Variants in PRELID2 observed in about 807,000 individuals in gnomAD.
PRELID2 encodes PRELI domain containing 2.
Under a neutral mutation model 28.4 loss-of-function variants are expected in PRELID2, and 25 were observed. The ratio of observed to expected loss-of-function variants is 0.88; its 90% CI spans 0.64 to 1.23. The LOEUF (loss-of-function observed/expected upper bound fraction) is 1.23. Ranked by LOEUF, PRELID2 falls within the 50% of genes most tolerant of loss-of-function variation. The probability of loss-of-function intolerance (pLI) is 0.00; values close to 1 mark genes in which losing one functional copy is unlikely to be tolerated. For synonymous variants in PRELID2, 76 were observed against 71.6 expected (o/e 1.06, Z -0.31); for missense variants, 201 against 214.4 (o/e 0.94, Z 0.39).
intron 1 of PRELID2, among the ~76,000 whole-genome samples, chr5:145,711,109 G>A (rs1235735334): frequency 1.3e-5 from 2 of 152,114 alleles, no homozygotes; most frequent in African/African-American, 4.8e-5. Context: ...ATCAATACCT[G>A]CCATCTGCCC....
At chr5:145,573,893 A>G (rs1184843424) in intron 1 of PRELID2, among the ~76,000 whole-genome samples, 3 of 152,198 alleles carry the variant, frequency 2.0e-5, no homozygotes, top group African/African-American at 7.2e-5. Flanking sequence ...GAGGGTAGAT[A>G]TGATTACCAT....
chr5:145,340,883 C>T, the PRELID2 span, among the ~76,000 whole-genome samples: 2 of 150,542 alleles, frequency 1.3e-5, no homozygotes, highest in African/African-American at 2.4e-5. Context: ...ACACTGCCAC[C>T]ACTAGGGCCC....
chr5:145,825,252 A>C (rs1363702673), intron 1 of PRELID2, among the ~76,000 whole-genome samples: 2 of 147,122 alleles, frequency 1.4e-5, no homozygotes, highest in African/African-American at 2.6e-5. Flanking sequence ...AAAAAAAAAA[A>C]AAAAAAAACT....
At chr5:145,229,015 T>C in the PRELID2 span, 5 of 1,602,148 alleles carry the variant, frequency 3.1e-6, no homozygotes, top group East Asian at 6.7e-5. Context: ...AGCAGGGAGT[T>C]TGTGGAGGAG....
chr5:145,374,483 T>A, the PRELID2 span, among the ~76,000 whole-genome samples: 1 of 152,070 alleles, frequency 6.6e-6, no homozygotes, highest in Non-Finnish European at 1.5e-5. Flanking sequence ...TCATGGAGTA[T>A]CTTAGTGGTT....
the PRELID2 span, among the ~76,000 whole-genome samples, chr5:145,309,416 GGAGA>G: frequency 6.6e-6 from 1 of 152,220 alleles, no homozygotes; most frequent in African/African-American, 2.4e-5. Context: ...TGAAAGATAG[GGAGA>G]GAAAGAAAAC....
At chr5:145,386,207 C>T in the PRELID2 span, among the ~76,000 whole-genome samples, 1 of 151,890 alleles carries the variant, frequency 6.6e-6, no homozygotes, top group African/African-American at 2.4e-5. Context: ...GGGAAAATAA[C>T]CCTTATAAAA....
the PRELID2 span, among the ~76,000 whole-genome samples, chr5:145,245,806 G>A: frequency 6.6e-6 from 1 of 152,048 alleles, no homozygotes; most frequent in Non-Finnish European, 1.5e-5. Flanking sequence ...ATCTCTCTGA[G>A]CCTCATTCTC....
chr5:145,361,109 A>G, the PRELID2 span, among the ~76,000 whole-genome samples: 37 of 152,134 alleles, frequency 2.4e-4, no homozygotes, highest in African/African-American at 8.9e-4. Context: ...ACATCTGGAA[A>G]TTTTTTTCTA....
At chr5:145,535,592 G>T (rs1290697586) in intron 1 of PRELID2, among the ~76,000 whole-genome samples, 1 of 151,936 alleles carries the variant, frequency 6.6e-6, no homozygotes, top group East Asian at 1.9e-4. Flanking sequence ...TTACTTTCAA[G>T]GAAAATGAGT....
At chr5:145,601,987 A>C (rs978584194) in intron 1 of PRELID2, among the ~76,000 whole-genome samples, 1 of 152,176 alleles carries the variant, frequency 6.6e-6, no homozygotes, top group Admixed American at 6.6e-5. Flanking sequence ...AGGAGTTGGA[A>C]TATTTATCCA....
chr5:145,389,284 G>T, the PRELID2 span, among the ~76,000 whole-genome samples: 1 of 152,106 alleles, frequency 6.6e-6, no homozygotes, highest in Admixed American at 6.6e-5. Context: ...GTAGATGGAA[G>T]AGAAATACAA....
chr5:145,323,882 G>C, the PRELID2 span, among the ~76,000 whole-genome samples: 1 of 152,052 alleles, frequency 6.6e-6, no homozygotes, highest in African/African-American at 2.4e-5. Flanking sequence ...CATTTAGGTC[G>C]ATTTCATGTC....
At chr5:145,817,198 A>ATATATATATAT (rs1754372530) in intron 4 of PRELID2, among the ~76,000 whole-genome samples, 7 of 70,076 alleles carry the variant, frequency 1.0e-4, no homozygotes, top group South Asian at 5.4e-4. Context: ...TTCAAAAAAA[A>ATATATATATAT]ATAAATAAAT....
At chr5:145,751,964 A>G (rs1386368348), downstream of PRELID2, among the ~76,000 whole-genome samples, 5 of 152,150 alleles carry the variant, frequency 3.3e-5, no homozygotes. Flanking sequence ...CCTGGGTGAC[A>G]AGAGTGAAAC....
chr5:145,343,420 T>C, the PRELID2 span, among the ~76,000 whole-genome samples: 1 of 151,462 alleles, frequency 6.6e-6, no homozygotes, highest in East Asian at 1.9e-4. Context: ...TGCTCCTCAA[T>C]AACCATTTGA....
chr5:145,645,019 T>C (rs1252018324), intron 1 of PRELID2, among the ~76,000 whole-genome samples: 1 of 152,232 alleles, frequency 6.6e-6, no homozygotes, highest in Non-Finnish European at 1.5e-5. Flanking sequence ...GTTCTGTAGA[T>C]GTCTATTAAG....
the PRELID2 span, among the ~76,000 whole-genome samples, chr5:145,365,138 T>G: frequency 6.6e-6 from 1 of 151,918 alleles, no homozygotes; most frequent in Non-Finnish European, 1.5e-5. Context: ...GAGATGGAGA[T>G]GTTGATCAAA....
intron 1 of PRELID2, among the ~76,000 whole-genome samples, chr5:145,543,351 CTTTCTTCCAAAA>C (rs1346831388): frequency 1.3e-5 from 2 of 151,964 alleles, no homozygotes; most frequent in African/African-American, 4.8e-5. Context: ...TTATTTGTTT[CTTTCTTCCAAAA>C]TTTTAGTGTG....
Sources: gnomAD v4.1 joint callset for allele counts (sites outside exome capture counted in the v4.1 genomes callset) on GRCh38, gnomAD v4.1.1 for gene constraint, MANE v1.5 for transcripts, NCBI Gene and HGNC (gene_info 2026-07-23, HGNC 2026-07-21) for gene names.